The following ANTXRL variants were observed in gnomAD, a reference collection of about 807,000 sequenced individuals.
ANTXRL encodes the protein ANTXR like, also known as anthrax toxin receptor-like.
ANTXRL carries 63 observed loss-of-function variants against 75.4 expected under a neutral mutation model. The observed-to-expected ratio is 0.84, with a 90% CI of 0.68 to 1.03. The LOEUF (loss-of-function observed/expected upper bound fraction) is 1.03, where lower values mean the gene tolerates loss of function less well. Among genes scored for constraint, ANTXRL ranks in the 50% least tolerant of loss-of-function variants. ANTXRL has a pLI of 0.00. For synonymous variants in ANTXRL, 335 were observed against 291.3 expected (o/e 1.15, Z -1.53); for missense variants, 797 against 789.4 (o/e 1.01, Z -0.12).
At position 46,306,342 on chromosome 10, in the gene ANTXRL, C is replaced by T. The variant is rs184577649; in HGVS notation, c.896-461C>T. ...GCCCCCACCTGCTTTCCTTGGAACC[C>T]TTACCACAGAGTATTTTGAAGCAAA... On this transcript the variant is annotated intron_variant, in intron 10 of 16. Coordinates refer to ENST00000620264, the MANE Select transcript of ANTXRL (RefSeq NM_001278688.3). Among the ~76,000 whole-genome samples the T allele has an allele frequency of 4.1e-4, 62 of 152,280 alleles. 1 individual carries two copies. The highest frequency in any genetic ancestry group is 3.9e-3 in the Admixed American group (59 of 15,296).
chr10:46,327,204 T>C (rs1481796773), intron 16 of ANTXRL, among the ~76,000 whole-genome samples: 1 of 152,088 alleles, frequency 6.6e-6, no homozygotes, highest in Non-Finnish European at 1.5e-5. Context: ...TGGGCTGTGA[T>C]TGCCTGAAGG....
intron 10 of ANTXRL, among the ~76,000 whole-genome samples, chr10:46,305,085 A>G (rs776262463): frequency 5.3e-5 from 8 of 152,152 alleles, no homozygotes; most frequent in Non-Finnish European, 1.0e-4. Flanking sequence ...CTTTAAACCT[A>G]TTTTCACTAA....
At chr10:46,295,368 ATTAGAG>A (rs1398764088) in intron 3 of ANTXRL, among the ~76,000 whole-genome samples, 53 of 152,192 alleles carry the variant, frequency 3.5e-4, no homozygotes, top group African/African-American at 1.2e-3. Flanking sequence ...TAGAATTTGG[ATTAGAG>A]TTAGAGTTAG....
chr10:46,308,102 G>A (rs1554962387), intron 12 of ANTXRL, among the ~76,000 whole-genome samples: 2 of 152,294 alleles, frequency 1.3e-5, no homozygotes, highest in Non-Finnish European at 2.9e-5. Context: ...ATGTGCTGGA[G>A]GGACGGGCGG....
At chr10:46,296,695 C>A (rs1311794010) in intron 5 of ANTXRL, among the ~76,000 whole-genome samples, 1 of 152,156 alleles carries the variant, frequency 6.6e-6, no homozygotes, top group African/African-American at 2.4e-5. Flanking sequence ...CAGCTCTTGT[C>A]AGGAAAAGGC....
At chr10:46,301,323 G>T (rs1332672049) in intron 9 of ANTXRL, among the ~76,000 whole-genome samples, 1 of 152,214 alleles carries the variant, frequency 6.6e-6, no homozygotes, top group Non-Finnish European at 1.5e-5. Context: ...TGCCCTGAGG[G>T]GCCCATGTCT....
chr10:46,293,312 G>A lies in ANTXRL; in HGVS notation c.321-517G>A, dbSNP rs563541495. On this transcript the variant is annotated intron_variant, in intron 2 of 16. Coordinates refer to ENST00000620264, the MANE Select transcript of ANTXRL (RefSeq NM_001278688.3). ...TGCGTGTGTGCCTGTGTGTGTGTGC[G>A]TGTGTGCCTGTGTGTGAGTGTGTGC... 4.5e-4 allele frequency among the ~76,000 whole-genome samples: 64 copies of A among 142,810 alleles called. 1 individual carries two copies. Among genetic ancestry groups the A allele is most frequent in the South Asian group, 2.7e-3 (12 of 4,482 alleles). 93.7% of individuals were successfully genotyped at this position (142,810 alleles called of 152,430 possible).
chr10:46,290,045 C>CTTTTTTTTT (rs34276033), intron 1 of ANTXRL, among the ~76,000 whole-genome samples: 28 of 119,666 alleles, frequency 2.3e-4, no homozygotes, highest in African/African-American at 3.5e-4. Flanking sequence ...TTTTCTTTAT[C>CTTTTTTTTT]TTTTTTTTTT....
rs782253177 is a variant in ANTXRL, at chr10:46,329,666, G to T, written c.1478G>T (p.Cys493Phe). The T allele has an allele frequency of 6.5e-7, 1 of 1,536,328 alleles. No homozygotes were observed. The highest frequency in any genetic ancestry group is 1.2e-5 in the South Asian group (1 of 84,040). The stretch of plus-strand genomic sequence containing the variant: ...CAGGCTCCCTGCTGCCCAAGGATCT[G>T]CTTTCCACACAGCCAGGAGTGCCTT... The part of the protein sequence containing the change: ...YAQAPCCPRI[C>F]FPHSQECLSL... The change falls in exon 17 of 17, where the codon TGC becomes TTC. Residue 493 changes from cysteine (C) to phenylalanine (F), a missense_variant. Physicochemically the swap from Cys to Phe is radical, Grantham distance 205. Around this residue, in one of 3 missense-constraint regions of ANTXRL, gnomAD observed 479 missense variants for 422.0 expected, o/e 1.14. Transcript: ENST00000620264.
At position 46,330,129 on chromosome 10, in the gene ANTXRL, A is replaced by C; in HGVS notation, c.*45A>C. On this transcript the variant is annotated 3_prime_UTR_variant, in exon 17 of 17. Coordinates refer to ENST00000620264, the MANE Select transcript of ANTXRL (RefSeq NM_001278688.3). Reference sequence around the variant, plus strand: ...TAACAGGCTTTTGTTGCTGAACTGGACATATACATTGAGTCTTTTCTTGCG... The same window carrying C: ...TAACAGGCTTTTGTTGCTGAACTGGCCATATACATTGAGTCTTTTCTTGCG... 1 of 1,447,462 alleles carries C rather than the reference A, an allele frequency of 6.9e-7. No homozygotes were observed. The highest frequency in any genetic ancestry group is 9.1e-7 in the Non-Finnish European group (1 of 1,102,090). The allele number at this position is 1,447,462 out of a possible 1,614,324, so 89.7% of individuals were successfully genotyped here. A position where few individuals can be genotyped will look rare whatever the true frequency, so the allele number is the denominator to read the frequency against.
At chr10:46,304,900 C>T (rs1837978671) in intron 10 of ANTXRL, among the ~76,000 whole-genome samples, 1 of 152,144 alleles carries the variant, frequency 6.6e-6, no homozygotes, top group Non-Finnish European at 1.5e-5. Context: ...GGTGTACTGG[C>T]TTCCCACCCT....
chr10:46,324,177 C>T (rs1839104777), intron 16 of ANTXRL, among the ~76,000 whole-genome samples: 1 of 152,128 alleles, frequency 6.6e-6, no homozygotes. Flanking sequence ...AACAGGTAAT[C>T]TACATACTGA....
chr10:46,329,467 G>A, intron 16 of ANTXRL, 132 bp from the exon 17 acceptor site: 1 of 1,182,384 alleles, frequency 8.5e-7, no homozygotes, highest in Admixed American at 2.8e-5. Context: ...GGAGAGAGGA[G>A]GAGCACAGCA....
At chr10:46,293,390 C>T (rs200817804) in intron 2 of ANTXRL, among the ~76,000 whole-genome samples, 1 of 101,362 alleles carries the variant, frequency 9.9e-6, no homozygotes, top group Non-Finnish European at 2.0e-5. Context: ...GAGTGTGTGC[C>T]TGTGTGTGTG....
intron 2 of ANTXRL, 75 bp from the exon 3 acceptor site, chr10:46,293,754 T>C (rs1837198406): frequency 8.1e-7 from 1 of 1,230,178 alleles, no homozygotes; most frequent in East Asian, 2.5e-5. Context: ...GGGTGGGAGG[T>C]GGGGAATTGG....
intron 14 of ANTXRL, among the ~76,000 whole-genome samples, chr10:46,310,829 A>T (rs1838377791): frequency 6.6e-6 from 1 of 152,136 alleles, no homozygotes; most frequent in Non-Finnish European, 1.5e-5. Flanking sequence ...GCTCTGGAAA[A>T]GGAGCCCCGT....
chr10:46,293,584 TGTGC>T (rs1280139744), intron 2 of ANTXRL, among the ~76,000 whole-genome samples: 3 of 103,962 alleles, frequency 2.9e-5, no homozygotes, highest in Middle Eastern at 5.7e-3. Flanking sequence ...CGCGTGTGTG[TGTGC>T]AAGTGTCTTT....
At chr10:46,288,081 T>G (rs562742717) in intron 1 of ANTXRL, among the ~76,000 whole-genome samples, 2 of 152,240 alleles carry the variant, frequency 1.3e-5, no homozygotes, top group South Asian at 4.1e-4. Context: ...AGGCTGGCCC[T>G]GGGGAAGCTG....
intron 16 of ANTXRL, among the ~76,000 whole-genome samples, chr10:46,328,195 CTG>C (rs1392845281): frequency 6.6e-6 from 1 of 152,178 alleles, no homozygotes; most frequent in Non-Finnish European, 1.5e-5. Context: ...GGAGGCCACT[CTG>C]GAGCTGAGTC....
Sources: gnomAD v4.1 joint callset for allele counts (sites outside exome capture counted in the v4.1 genomes callset) on GRCh38, gnomAD v4.1.1 for gene constraint, gnomAD v4.1.1 regional missense constraint, MANE v1.5 for transcripts, NCBI Gene and HGNC (gene_info 2026-07-23, HGNC 2026-07-21) for gene names.